GPBP1: variants seen among roughly 807,000 people sequenced by gnomAD.
The protein encoded by GPBP1 is vasculin.
Under a neutral mutation model 56.5 loss-of-function variants are expected in GPBP1, and 13 were observed. The observed-to-expected ratio is 0.23, with a 90% CI of 0.15 to 0.37. The LOEUF (loss-of-function observed/expected upper bound fraction) is 0.37. Ranked by LOEUF, GPBP1 falls within the 10% of genes least tolerant of loss-of-function variation. The pLI is 1.00. For synonymous variants in GPBP1, 204 were observed against 188.9 expected, an observed-to-expected ratio of 1.08 and a Z score of -0.66; for missense variants, 477 against 572.3, an observed-to-expected ratio of 0.83 and a Z score of 1.70.
intron 2 of GPBP1, among the ~76,000 whole-genome samples, chr5:57,198,623 C>T (rs560786049): frequency 2.0e-5 from 3 of 151,986 alleles, no homozygotes; most frequent in Admixed American, 6.6e-5. Flanking sequence ...CTGAGACTGG[C>T]GGATTGCTTG....
rs748321012 is a variant in GPBP1 at position 57,231,172 on chromosome 5, G to A, written c.262G>A (p.Gly88Ser). The change falls in exon 5 of 12, where the codon GGT becomes AGT. Residue 88 changes from glycine (G) to serine (S), a missense_variant. Physicochemically the swap from Gly to Ser is moderately conservative, Grantham distance 56. Coordinates refer to ENST00000506184, the MANE Select transcript of GPBP1 (RefSeq NM_022913.4). Reference protein sequence around the residue: ...RNGTENINHRGGYHGGSSRSR... With the variant: ...RNGTENINHRSGYHGGSSRSR... ...TGGTACAGAAAACATAAATCATCGA[G>A]GTGGATACCATGGTGGAAGTTCCCG... 6.2e-7 allele frequency: 1 copy of A among 1,614,154 alleles called. No individual in the cohort carries two copies. The highest frequency in any genetic ancestry group is 8.5e-7 in the Non-Finnish European group (1 of 1,180,012).
At chr5:57,179,242 T>A (rs1376624544) in intron 2 of GPBP1, among the ~76,000 whole-genome samples, 1 of 152,236 alleles carries the variant, frequency 6.6e-6, no homozygotes, top group Admixed American at 6.5e-5. Flanking sequence ...TCTCTTTGGT[T>A]GATGTTGATT....
At chr5:57,251,420 TGATGTCTAGCTTCTTTC>T (rs1741380306) in intron 10 of GPBP1, among the ~76,000 whole-genome samples, 2 of 152,212 alleles carry the variant, frequency 1.3e-5, no homozygotes, top group Admixed American at 6.5e-5. Flanking sequence ...ATGTGATTTT[TGATGTCTAGCTTCTTTC>T]ACTAAGTATA....
chr5:57,197,597 G>A (rs1754822795), intron 2 of GPBP1, among the ~76,000 whole-genome samples: 1 of 152,098 alleles, frequency 6.6e-6, no homozygotes, highest in Non-Finnish European at 1.5e-5. Flanking sequence ...GACCTCAGGT[G>A]ATCCACCCAC....
intron 2 of GPBP1, among the ~76,000 whole-genome samples, chr5:57,178,987 G>A (rs77943645): frequency 0.015 from 2,334 of 152,086 alleles, 137 homozygotes; most frequent in East Asian, 0.097. Flanking sequence ...TCTTAATCCC[G>A]TGAGGAAAGT....
At chr5:57,230,699 C>T in intron 3 of GPBP1, 147 bp from the exon 4 acceptor site, 1 of 708,122 alleles carries the variant, frequency 1.4e-6, no homozygotes, top group Non-Finnish European at 2.4e-6. Context: ...TATACAGTTA[C>T]CCAGTTATCA....
At chr5:57,223,760 T>TTA (rs1051304397) in intron 3 of GPBP1, among the ~76,000 whole-genome samples, 7 of 149,966 alleles carry the variant, frequency 4.7e-5, no homozygotes, top group South Asian at 4.2e-4. Flanking sequence ...GACATTTTAG[T>TTA]TATATATATA....
At chr5:57,253,990 T>C (rs1229910538) in intron 10 of GPBP1, among the ~76,000 whole-genome samples, 1 of 152,146 alleles carries the variant, frequency 6.6e-6, no homozygotes, top group African/African-American at 2.4e-5. Flanking sequence ...CAGCCTGGAG[T>C]GCAGTGGCAC....
At chr5:57,246,866 TTTAG>T (rs1253667841) in intron 7 of GPBP1, among the ~76,000 whole-genome samples, 5 of 152,220 alleles carry the variant, frequency 3.3e-5, no homozygotes, top group Non-Finnish European at 5.9e-5. Context: ...AAAATAGCAA[TTTAG>T]TTAGATACCT....
At chr5:57,239,368 GT>G (rs1389284995) in intron 6 of GPBP1, among the ~76,000 whole-genome samples, 9 of 152,278 alleles carry the variant, frequency 5.9e-5, no homozygotes, top group African/African-American at 2.2e-4. Flanking sequence ...GAGAGCCCCC[GT>G]TAAAGGGGGA....
intron 2 of GPBP1, among the ~76,000 whole-genome samples, chr5:57,185,941 G>A (rs1202331880): frequency 6.6e-6 from 1 of 151,584 alleles, no homozygotes; most frequent in Admixed American, 6.6e-5. Context: ...GACGATGAGA[G>A]TGAACCTTGT....
intron 3 of GPBP1, among the ~76,000 whole-genome samples, chr5:57,217,578 A>G (rs1283073359): frequency 6.6e-6 from 1 of 152,112 alleles, no homozygotes; most frequent in African/African-American, 2.4e-5. Flanking sequence ...TCTCAAAACA[A>G]ACAAACAAAA....
intron 5 of GPBP1, among the ~76,000 whole-genome samples, chr5:57,233,496 A>G (rs1208835952): frequency 1.3e-5 from 2 of 152,196 alleles, no homozygotes; most frequent in African/African-American, 4.8e-5. Context: ...AAACTTAACT[A>G]CTAGTAGCCT....
In GPBP1 at chr5:57,262,904, A is replaced by T; in HGVS notation, c.*152A>T. 1.6e-6 allele frequency: 1 copy of T among 621,188 alleles called. No individual in the cohort carries two copies. Among genetic ancestry groups the T allele is most frequent in the South Asian group, 2.2e-5 (1 of 44,548 alleles). The allele number at this position is 621,188 out of a possible 1,614,324, so 38.5% of individuals were successfully genotyped here. On this transcript the variant is annotated 3_prime_UTR_variant, in exon 12 of 12. Coordinates refer to ENST00000506184, the MANE Select transcript of GPBP1 (RefSeq NM_022913.4). ...GACTTCAATATGAAGAAAACCAAGA[A>T]TGTTTTGTTGGGCTGTGTTGAACAT...
Position 57,185,258 on chromosome 5 carries a change from C to CTTTTTT in GPBP1, c.-58+8872_-58+8877dup, listed in dbSNP as rs747214276. 2.3e-5 allele frequency among the ~76,000 whole-genome samples: 3 copies of CTTTTTT among 128,668 alleles called. No homozygotes were observed. In the South Asian group the frequency reaches 7.4e-4, roughly 32 times the overall value. The allele number at this position is 128,668 out of a possible 152,430, so 84.4% of individuals were successfully genotyped here. A position where few individuals can be genotyped will look rare whatever the true frequency, so the allele number is the denominator to read the frequency against. ...TTTTGGCAACCATCTTTGGTTAGGT[C>CTTTTTT]TTTTTTTTTTTTTTTTTTTAAAGAC... On this transcript the variant is annotated intron_variant, in intron 2 of 11. Transcript: ENST00000506184.
intron 2 of GPBP1, among the ~76,000 whole-genome samples, chr5:57,190,941 C>T (rs1396898682): frequency 2.6e-5 from 4 of 151,790 alleles, no homozygotes; most frequent in Non-Finnish European, 5.9e-5. Context: ...AACATGTTGC[C>T]TTGAACTCTA....
At chr5:57,221,353 C>A (rs1417556149) in intron 3 of GPBP1, 1 of 1,516,956 alleles carries the variant, frequency 6.6e-7, no homozygotes, top group Non-Finnish European at 8.9e-7. Flanking sequence ...CCAATTGTGA[C>A]TGATCTTATC....
chr5:57,237,321 T>TA, intron 6 of GPBP1: 1 of 656,482 alleles, frequency 1.5e-6, no homozygotes, highest in Non-Finnish European at 2.7e-6. Context: ...AGAATGCCAG[T>TA]GAGCGTTTGT....
At chr5:57,235,804 T>C (rs1306762741) in intron 5 of GPBP1, among the ~76,000 whole-genome samples, 162 bp from the exon 6 acceptor site, 2 of 152,220 alleles carry the variant, frequency 1.3e-5, no homozygotes, top group Non-Finnish European at 2.9e-5. Flanking sequence ...ACACTGGCAC[T>C]CAAAAAGTTT....
Sources: allele counts gnomAD v4.1 joint callset (sites outside exome capture counted in the v4.1 genomes callset), GRCh38; gene constraint gnomAD v4.1.1; transcripts MANE v1.5; gene names NCBI Gene and HGNC (gene_info 2026-07-23, HGNC 2026-07-21).